The following ACER3 variants were observed in gnomAD, a reference collection of about 807,000 sequenced individuals.
The protein encoded by ACER3 is alkCDase 3.
A neutral mutation model predicts 48.9 loss-of-function variants in ACER3; 16 were observed. The ratio of observed to expected loss-of-function variants is 0.33; its 90% CI spans 0.22 to 0.50. ACER3 has a LOEUF of 0.50. ACER3 is among the 20% of genes least tolerant of loss of function. ACER3 has a pLI of 0.98. For missense variants in ACER3, 227 were observed against 326.0 expected (o/e 0.70, Z 2.34); for synonymous variants, 109 against 107.8 (o/e 1.01, Z -0.07).
Position 77,019,657 on chromosome 11 carries a change from C to T in ACER3, c.705-74C>T, listed in dbSNP as rs527487133. ...CGTACATGCAGAAGCACTATGGTTA[C>T]GTTTGTCAGTACGCCAGTTTGCATG... On this transcript the variant is annotated intron_variant, in intron 9 of 10. Transcript: ENST00000532485. 4.4e-5 allele frequency: 62 copies of T among 1,421,896 alleles called. No homozygotes were observed. The East Asian group carries it at 7.5e-4, about 17-fold the overall frequency. 88.1% of individuals were successfully genotyped at this position (1,421,896 alleles called of 1,614,324 possible). A position where few individuals can be genotyped will look rare whatever the true frequency, so the allele number is the denominator to read the frequency against.
chr11:76,894,457 T>A (rs540293041), intron 1 of ACER3, among the ~76,000 whole-genome samples: 1 of 152,316 alleles, frequency 6.6e-6, no homozygotes, highest in Non-Finnish European at 1.5e-5. Context: ...CCACATAGTA[T>A]AATTAATATG....
At chr11:76,945,552 G>C (rs964004208) in intron 2 of ACER3, among the ~76,000 whole-genome samples, 3 of 152,110 alleles carry the variant, frequency 2.0e-5, no homozygotes, top group African/African-American at 7.2e-5. Context: ...GTTTTGCTGG[G>C]GGCTTGGACA....
intron 2 of ACER3, among the ~76,000 whole-genome samples, chr11:76,940,308 A>G (rs1250422893): frequency 2.0e-5 from 3 of 152,202 alleles, no homozygotes; most frequent in African/African-American, 4.8e-5. Context: ...ATTGAGAGAT[A>G]AAGATAAAAT....
At chr11:76,905,953 G>A (rs1424612742) in intron 1 of ACER3, among the ~76,000 whole-genome samples, 1 of 152,204 alleles carries the variant, frequency 6.6e-6, no homozygotes, top group African/African-American at 2.4e-5. Context: ...ATGCATGAAG[G>A]GGAATTGGCC....
At chr11:76,959,136 C>T (rs1486912570) in intron 3 of ACER3, 105 bp downstream of exon 3, 1 of 1,577,020 alleles carries the variant, frequency 6.3e-7, no homozygotes, top group Non-Finnish European at 8.6e-7. Flanking sequence ...GATTTGTAAT[C>T]TCTGGAGTTT....
At chr11:76,994,968 T>C (rs182851597) in intron 6 of ACER3, among the ~76,000 whole-genome samples, 38 of 152,242 alleles carry the variant, frequency 2.5e-4, no homozygotes, top group Admixed American at 4.6e-4. Flanking sequence ...ACCTAGGGGC[T>C]GGAGGAAGGA....
chr11:77,014,083 G>A (rs1555022776), intron 7 of ACER3, among the ~76,000 whole-genome samples: 1 of 152,160 alleles, frequency 6.6e-6, no homozygotes, highest in Admixed American at 6.5e-5. Context: ...CAGATGTACT[G>A]ATCAGATAGA....
chr11:76,941,062 A>G (rs1947332262), intron 2 of ACER3, among the ~76,000 whole-genome samples: 1 of 151,546 alleles, frequency 6.6e-6, no homozygotes. Context: ...CGCACACAGA[A>G]AGCAGGGAAG....
At chr11:76,943,409 C>T (rs1453778994) in intron 2 of ACER3, among the ~76,000 whole-genome samples, 1 of 151,954 alleles carries the variant, frequency 6.6e-6, no homozygotes, top group East Asian at 1.9e-4. Context: ...TTACTTCCTT[C>T]ATTGGACTAG....
In ACER3 at chr11:76,985,625, TTCTC is replaced by T. The variant is rs768711159; in HGVS notation, c.321-14_321-11del. 4 of 1,506,830 alleles carry T rather than the reference TTCTC, an allele frequency of 2.7e-6. No homozygotes were observed. The highest frequency in any genetic ancestry group is 2.4e-5 in the East Asian group (1 of 42,492). 93.3% of individuals were successfully genotyped at this position (1,506,830 alleles called of 1,614,324 possible). ...CTTATATATTCTTTTAAAAGTTTCT[TTCTC>T]TCTTTTTTTCAAGGTTTGAATGTTT... is the stretch of plus-strand genomic sequence containing the variant. On this transcript the variant is annotated splice_polypyrimidine_tract_variant and intron_variant, in intron 4 of 10. Transcript: ENST00000532485.
At chr11:76,886,582 A>G (rs1945677310) in intron 1 of ACER3, among the ~76,000 whole-genome samples, 1 of 152,188 alleles carries the variant, frequency 6.6e-6, no homozygotes. Flanking sequence ...GAGGATTTTG[A>G]TCATAGTGGG....
At chr11:76,940,173 G>T (rs1947300139) in intron 2 of ACER3, among the ~76,000 whole-genome samples, 1 of 151,718 alleles carries the variant, frequency 6.6e-6, no homozygotes, top group Non-Finnish European at 1.5e-5. Flanking sequence ...AATAGAGATG[G>T]GTTCTCACTA....
chr11:76,926,749 A>G lies in ACER3; in HGVS notation c.214+82A>G, dbSNP rs547265378. On this transcript the variant is annotated intron_variant, in intron 2 of 10. Transcript: ENST00000532485. The stretch of plus-strand genomic sequence containing the variant: ...CATTCATTTCTAAAAGCGGTTTTCA[A>G]TTTTGTGTTATTACATAACTTGAAT... The G allele has an allele frequency of 9.2e-5, 82 of 893,624 alleles. No individual in the cohort carries two copies. The African/African-American group carries it at 1.3e-3, about 14-fold the overall frequency. 55.4% of individuals were successfully genotyped at this position (893,624 alleles called of 1,614,324 possible).
intron 9 of ACER3, chr11:77,019,524 A>T (rs551715488): frequency 1.7e-6 from 1 of 583,932 alleles, no homozygotes; most frequent in South Asian, 2.2e-5. Context: ...CAAAGCCTAG[A>T]TTACAGCACA....
At chr11:76,988,611 A>G (rs1303901051) in intron 5 of ACER3, among the ~76,000 whole-genome samples, 1 of 152,178 alleles carries the variant, frequency 6.6e-6, no homozygotes, top group Non-Finnish European at 1.5e-5. Context: ...TTCACCTCCC[A>G]CAAAGTCCCT....
intron 7 of ACER3, among the ~76,000 whole-genome samples, chr11:77,006,921 G>T (rs370912924): frequency 1.3e-5 from 2 of 151,842 alleles, no homozygotes; most frequent in Admixed American, 1.3e-4. Flanking sequence ...ACCAGACTGG[G>T]TATCATAGAG....
intron 1 of ACER3, among the ~76,000 whole-genome samples, chr11:76,904,281 G>A (rs1043015985): frequency 2.0e-5 from 3 of 152,104 alleles, no homozygotes; most frequent in Non-Finnish European, 4.4e-5. Flanking sequence ...ACAGGCGTGA[G>A]CTACTGCACT....
Position 76,987,691 on chromosome 11 carries a change from A to C in ACER3, c.402+1967A>C, listed in dbSNP as rs1177863132. Among the ~76,000 whole-genome samples, 3 of 152,328 alleles carry C rather than the reference A, an allele frequency of 2.0e-5. No individual in the cohort carries two copies. In the East Asian group the frequency reaches 5.8e-4, roughly 29 times the overall value. The stretch of plus-strand genomic sequence containing the variant: ...AGTGGCTCACACCTGTAATCCCAGC[A>C]CTTTGGGAGGCCACGATGGGAGGAC... On this transcript the variant is annotated intron_variant, in intron 5 of 10. Coordinates refer to ENST00000532485, the MANE Select transcript of ACER3 (RefSeq NM_018367.7).
intron 1 of ACER3, among the ~76,000 whole-genome samples, chr11:76,871,524 G>T (rs1189807198): frequency 6.6e-6 from 1 of 152,208 alleles, no homozygotes. Context: ...ATTGGCAATT[G>T]GTTGAAAGAG....
Sources: gnomAD v4.1 joint callset for allele counts (sites outside exome capture counted in the v4.1 genomes callset) on GRCh38, gnomAD v4.1.1 for gene constraint, MANE v1.5 for transcripts, NCBI Gene and HGNC (gene_info 2026-07-23, HGNC 2026-07-21) for gene names.